Variants in ATP6V1C1 observed in about 807,000 individuals in gnomAD.
The protein encoded by ATP6V1C1 is ATPase H+ transporting V1 subunit C1.
ATP6V1C1 carries 45 observed loss-of-function variants against 53.9 expected under a neutral mutation model. That is an observed-to-expected ratio of 0.83 (90% CI 0.66 to 1.07). ATP6V1C1 has a LOEUF of 1.07. ATP6V1C1 is among the 50% of genes least tolerant of loss of function. ATP6V1C1 has a pLI of 0.00. For missense variants in ATP6V1C1, 315 were observed against 440.3 expected (o/e 0.72, Z 2.55); for synonymous variants, 153 against 155.2 (o/e 0.99, Z 0.11).
In ATP6V1C1 at chr8:103,066,448, G is replaced by T. The variant is rs1817492153; in HGVS notation, c.1053+1G>T. 3 of 1,589,540 alleles carry T rather than the reference G, an allele frequency of 1.9e-6. No individual in the cohort carries two copies. Among genetic ancestry groups the T allele is most frequent in the Non-Finnish European group, 2.6e-6 (3 of 1,172,338 alleles). Reference sequence around the variant, plus strand: ...CAGCAGTGCAGCAGCTATTATTGATGTAAGTACTTATTAGCCCAGTAGAGT... The same window carrying T: ...CAGCAGTGCAGCAGCTATTATTGATTTAAGTACTTATTAGCCCAGTAGAGT... On this transcript the variant is annotated splice_donor_variant, in intron 12 of 12. Coordinates refer to ENST00000518738, the MANE Select transcript of ATP6V1C1 (RefSeq NM_001695.5). LOFTEE classifies it high-confidence loss of function.
chr8:103,057,632 T>A (rs921841297), intron 8 of ATP6V1C1, among the ~76,000 whole-genome samples: 2 of 152,210 alleles, frequency 1.3e-5, no homozygotes, highest in African/African-American at 4.8e-5. Flanking sequence ...CAACTTGCTG[T>A]GTGACCTGGG....
chr8:103,033,834 G>A (rs1816840917), intron 1 of ATP6V1C1, among the ~76,000 whole-genome samples: 1 of 152,190 alleles, frequency 6.6e-6, no homozygotes, highest in Non-Finnish European at 1.5e-5. Context: ...TGTGCTAGTA[G>A]ATAGGAAGTG....
rs1563612253 is a variant in ATP6V1C1, at chr8:103,069,626, T to C, written c.*879T>C. 6.6e-6 allele frequency: 1 copy of C among 152,254 alleles called. No homozygotes were observed. The highest frequency in any genetic ancestry group is 1.5e-5 in the Non-Finnish European group (1 of 68,038). 9.4% of individuals were successfully genotyped at this position (152,254 alleles called of 1,614,324 possible). On this transcript the variant is annotated 3_prime_UTR_variant, in exon 13 of 13. Transcript: ENST00000518738. The stretch of plus-strand genomic sequence containing the variant: ...TTATGTGTTGTCTTCTTAAGATCTA[T>C]AATTTTGGCATTTATGTCATTTGTG...
At chr8:103,022,241 A>C (rs1007476475) in intron 1 of ATP6V1C1, among the ~76,000 whole-genome samples, 8 of 152,150 alleles carry the variant, frequency 5.3e-5, no homozygotes, top group Non-Finnish European at 8.8e-5. Context: ...AGAAATGGGG[A>C]TAATTTTACA....
intron 1 of ATP6V1C1, among the ~76,000 whole-genome samples, chr8:103,035,727 A>G (rs1318039420): frequency 6.6e-6 from 1 of 152,160 alleles, no homozygotes; most frequent in Non-Finnish European, 1.5e-5. Context: ...CACTTTACAG[A>G]TGAGGAAACT....
chr8:103,057,469 T>C (rs562776159), intron 8 of ATP6V1C1, among the ~76,000 whole-genome samples: 18 of 152,368 alleles, frequency 1.2e-4, no homozygotes, highest in Admixed American at 5.2e-4. Context: ...CCATCTGCCA[T>C]GCAGGAAAGG....
At chr8:103,058,199 AG>A (rs1165041436) in intron 8 of ATP6V1C1, among the ~76,000 whole-genome samples, 2 of 152,328 alleles carry the variant, frequency 1.3e-5, no homozygotes, top group Non-Finnish European at 2.9e-5. Context: ...AATTTCAGGA[AG>A]GGAACAGTTT....
In ATP6V1C1 at chr8:103,047,344, C is replaced by G. The variant is rs79163858; in HGVS notation, c.201-1526C>G. On this transcript the variant is annotated intron_variant, in intron 3 of 12. Transcript: ENST00000518738. ...ATCGCTTGAGCCCAGATGTTCAAAG[C>G]TGCAATGCACTGTGATTGCACCACT... Among the ~76,000 whole-genome samples the G allele has an allele frequency of 5.3e-3, 789 of 149,564 alleles. 4 individuals are homozygous for G. Among genetic ancestry groups the G allele is most frequent in the African/African-American group, 0.017 (670 of 40,528 alleles).
At chr8:103,066,236 A>C in intron 11 of ATP6V1C1, 85 bp from the exon 12 acceptor site, 1 of 1,457,682 alleles carries the variant, frequency 6.9e-7, no homozygotes, top group Non-Finnish European at 9.2e-7. Flanking sequence ...ACCATGATTA[A>C]AGAGTATGAG....
At chr8:103,044,653 CAG>C (rs1330342699) in intron 3 of ATP6V1C1, among the ~76,000 whole-genome samples, 1 of 149,634 alleles carries the variant, frequency 6.7e-6, no homozygotes, top group East Asian at 2.0e-4. Flanking sequence ...GTTTTAAAAT[CAG>C]AAAGTGTGAA....
At chr8:103,059,077 A>G (rs1050006637) in intron 8 of ATP6V1C1, among the ~76,000 whole-genome samples, 2 of 152,060 alleles carry the variant, frequency 1.3e-5, no homozygotes, top group Admixed American at 6.5e-5. Flanking sequence ...ATTGGAAGCA[A>G]CATCACAAAC....
intron 1 of ATP6V1C1, among the ~76,000 whole-genome samples, chr8:103,028,313 T>C (rs950144389): frequency 6.6e-6 from 1 of 152,148 alleles, no homozygotes. Context: ...AATGCGAGGA[T>C]AAGGCAGAAA....
At chr8:103,037,245 T>A (rs1816915325) in intron 1 of ATP6V1C1, among the ~76,000 whole-genome samples, 1 of 152,184 alleles carries the variant, frequency 6.6e-6, no homozygotes, top group Non-Finnish European at 1.5e-5. Flanking sequence ...CTGGAGTTAG[T>A]ACAGGTGTAG....
At chr8:103,035,635 G>A (rs144919512) in intron 1 of ATP6V1C1, among the ~76,000 whole-genome samples, 90 of 152,284 alleles carry the variant, frequency 5.9e-4, no homozygotes, top group African/African-American at 9.1e-4. Flanking sequence ...CAGGAAGGGC[G>A]GCCGCATGGA....
rs1430956041 is a variant in ATP6V1C1, at chr8:103,069,964, TC to T, written c.*1220del. ...GAGACCCCCTCCCTCAATTTCCACC[TC>T]CCAAGGGAAGTTTATGTATTTTTCT... is the stretch of plus-strand genomic sequence containing the variant. On this transcript the variant is annotated 3_prime_UTR_variant, in exon 13 of 13. Coordinates refer to ENST00000518738, the MANE Select transcript of ATP6V1C1 (RefSeq NM_001695.5). The T allele has an allele frequency of 6.6e-6, 1 of 152,192 alleles. No homozygotes were observed. Among genetic ancestry groups the T allele is most frequent in the East Asian group, 1.9e-4 (1 of 5,200 alleles). The allele number at this position is 152,192 out of a possible 1,614,324, so 9.4% of individuals were successfully genotyped here.
intron 3 of ATP6V1C1, among the ~76,000 whole-genome samples, chr8:103,045,748 T>C (rs1455065480): frequency 6.6e-6 from 1 of 152,106 alleles, no homozygotes. Context: ...GAGACCATCC[T>C]GGCTAACACG....
intron 1 of ATP6V1C1, among the ~76,000 whole-genome samples, chr8:103,037,244 G>C (rs187342021): frequency 6.6e-6 from 1 of 152,218 alleles, no homozygotes; most frequent in Non-Finnish European, 1.5e-5. Flanking sequence ...TCTGGAGTTA[G>C]TACAGGTGTA....
At position 103,071,109 on chromosome 8, in the gene ATP6V1C1, CAG is replaced by C. The variant is rs1817579640; in HGVS notation, c.*2365_*2366del. The C allele has an allele frequency of 6.6e-6, 1 of 152,208 alleles. No homozygotes were observed. Among genetic ancestry groups the C allele is most frequent in the African/African-American group, 2.4e-5 (1 of 41,430 alleles). The allele number at this position is 152,208 out of a possible 1,614,324, so 9.4% of individuals were successfully genotyped here. On this transcript the variant is annotated 3_prime_UTR_variant, in exon 13 of 13. Coordinates refer to ENST00000518738, the MANE Select transcript of ATP6V1C1 (RefSeq NM_001695.5). Reference sequence around the variant, plus strand: ...GAAGTCATTGTGTCTAACATAACAACAGAGCAGTTTGTGTCACTGAGCTCCAG... The same window carrying C: ...GAAGTCATTGTGTCTAACATAACAACAGCAGTTTGTGTCACTGAGCTCCAG...
chr8:103,025,663 TG>T (rs1452652636), intron 1 of ATP6V1C1, among the ~76,000 whole-genome samples: 1 of 152,240 alleles, frequency 6.6e-6, no homozygotes, highest in Non-Finnish European at 1.5e-5. Context: ...AGTCACTAAA[TG>T]TCTTTGGGCA....
Sources: allele counts gnomAD v4.1 joint callset (sites outside exome capture counted in the v4.1 genomes callset), GRCh38; gene constraint gnomAD v4.1.1; transcripts MANE v1.5; gene names NCBI Gene and HGNC (gene_info 2026-07-23, HGNC 2026-07-21).